Variants in SGCZ observed in about 807,000 individuals in gnomAD.
SGCZ encodes the protein zeta-sarcoglycan.
A neutral mutation model predicts 41.3 loss-of-function variants in SGCZ; 40 were observed. The ratio of observed to expected loss-of-function variants is 0.97; its 90% CI spans 0.75 to 1.26. The LOEUF (loss-of-function observed/expected upper bound fraction) is 1.26. Ranked by LOEUF, SGCZ falls within the 50% of genes most tolerant of loss-of-function variation. The probability of loss-of-function intolerance (pLI) is 0.00; values close to 1 mark genes in which losing one functional copy is unlikely to be tolerated. For missense variants in SGCZ, 552 were observed against 369.8 expected (o/e 1.49, Z -4.04); for synonymous variants, 206 against 137.5 (o/e 1.50, Z -3.49).
chr8:14,825,582 T>C (rs1403195615), intron 1 of SGCZ, among the ~76,000 whole-genome samples: 1 of 152,220 alleles, frequency 6.6e-6, no homozygotes. Flanking sequence ...ATGTATACAT[T>C]GTGTAATGAT....
chr8:14,419,794 A>G (rs1168104769), intron 2 of SGCZ, among the ~76,000 whole-genome samples: 1 of 151,980 alleles, frequency 6.6e-6, no homozygotes, highest in Non-Finnish European at 1.5e-5. Context: ...AATAATTAGT[A>G]TGTGTTGTAA....
intron 2 of SGCZ, among the ~76,000 whole-genome samples, chr8:14,552,603 T>G (rs1228177598): frequency 6.6e-6 from 1 of 152,158 alleles, no homozygotes; most frequent in African/African-American, 2.4e-5. Flanking sequence ...CATGTTGCAT[T>G]ATAATTTACA....
chr8:15,039,615 T>C (rs1314384787), intron 1 of SGCZ, among the ~76,000 whole-genome samples: 1 of 152,210 alleles, frequency 6.6e-6, no homozygotes, highest in Non-Finnish European at 1.5e-5. Context: ...TTGTTGAGAA[T>C]ATTTCCATAT....
chr8:14,434,641 T>C (rs936726823), intron 2 of SGCZ, among the ~76,000 whole-genome samples: 4 of 152,236 alleles, frequency 2.6e-5, no homozygotes, highest in African/African-American at 9.6e-5. Flanking sequence ...CTATGATGTC[T>C]TTCAGCAGTG....
intron 2 of SGCZ, among the ~76,000 whole-genome samples, chr8:14,383,952 C>A (rs913430533): frequency 6.6e-6 from 1 of 151,086 alleles, no homozygotes; most frequent in Non-Finnish European, 1.5e-5. Context: ...TTTGAATTTT[C>A]TTTTTTTTCT....
intron 1 of SGCZ, among the ~76,000 whole-genome samples, chr8:14,585,640 G>A (rs1805032820): frequency 6.6e-6 from 1 of 152,198 alleles, no homozygotes; most frequent in East Asian, 1.9e-4. Context: ...AAATATATCA[G>A]ACTCATTCTC....
chr8:14,382,793 T>A (rs1016334274), intron 2 of SGCZ, among the ~76,000 whole-genome samples: 1 of 152,180 alleles, frequency 6.6e-6, no homozygotes, highest in Admixed American at 6.5e-5. Flanking sequence ...CTCATTCCTT[T>A]GAAAAACACA....
chr8:15,225,185 G>A (rs1040906633), intron 1 of SGCZ, among the ~76,000 whole-genome samples: 1 of 151,952 alleles, frequency 6.6e-6, no homozygotes, highest in Non-Finnish European at 1.5e-5. Flanking sequence ...CTTTATACTG[G>A]CCCCTTAGCA....
chr8:14,880,802 G>C (rs1281964158), intron 1 of SGCZ, among the ~76,000 whole-genome samples: 1 of 152,132 alleles, frequency 6.6e-6, no homozygotes, highest in Non-Finnish European at 1.5e-5. Context: ...GGGACCTGTT[G>C]TGGGGTCAGG....
At chr8:14,099,141 C>G (rs143680968) in intron 7 of SGCZ, among the ~76,000 whole-genome samples, 1 of 152,238 alleles carries the variant, frequency 6.6e-6, no homozygotes, top group African/African-American at 2.4e-5. Flanking sequence ...TATATTGATT[C>G]TTTCCAACAT....
intron 1 of SGCZ, among the ~76,000 whole-genome samples, chr8:14,797,645 G>A (rs918343398): frequency 6.6e-6 from 1 of 152,228 alleles, no homozygotes; most frequent in Admixed American, 6.5e-5. Flanking sequence ...GGAGCTGAAT[G>A]TTATTCACCA....
chr8:14,449,576 T>C (rs747230594), intron 2 of SGCZ, among the ~76,000 whole-genome samples: 4 of 152,104 alleles, frequency 2.6e-5, no homozygotes, highest in East Asian at 1.9e-4. Flanking sequence ...GTTCATTGAG[T>C]CTGTGTCCCC....
intron 1 of SGCZ, among the ~76,000 whole-genome samples, chr8:15,112,536 G>A (rs1313838572): frequency 6.6e-6 from 1 of 152,170 alleles, no homozygotes; most frequent in African/African-American, 2.4e-5. Context: ...TGAACTCTAG[G>A]AATGCTTGAC....
Position 14,153,576 on chromosome 8 carries a change from C to A in SGCZ, c.547+11004G>T, listed in dbSNP as rs562123758. ...GGACCCAAACTTTAGGATTCTCTTT[C>A]ATTTAATACCACAAAAGGCCTGTGT... On this transcript the variant is annotated intron_variant, in intron 5 of 7. Coordinates refer to ENST00000382080, the MANE Select transcript of SGCZ (RefSeq NM_139167.4). 2.6e-5 allele frequency among the ~76,000 whole-genome samples: 4 copies of A among 152,230 alleles called. No homozygotes were observed. The South Asian group carries it at 8.3e-4, about 32-fold the overall frequency.
At chr8:14,283,631 C>A (rs1478909946) in intron 3 of SGCZ, among the ~76,000 whole-genome samples, 1 of 152,260 alleles carries the variant, frequency 6.6e-6, no homozygotes, top group South Asian at 2.1e-4. Context: ...CTTACATAAC[C>A]ATGTTATAAT....
intron 1 of SGCZ, among the ~76,000 whole-genome samples, chr8:14,793,580 C>A (rs947830119): frequency 6.6e-5 from 10 of 152,022 alleles, no homozygotes; most frequent in Admixed American, 5.9e-4. Context: ...GTAGGGAAAG[C>A]TGAGGAATAA....
chr8:14,129,494 C>T (rs1449362204), intron 5 of SGCZ, among the ~76,000 whole-genome samples: 3 of 147,082 alleles, frequency 2.0e-5, no homozygotes, highest in Non-Finnish European at 4.5e-5. Context: ...TGAAAGAAAC[C>T]ATAACACATT....
At chr8:14,244,453 T>C (rs1029869141) in intron 3 of SGCZ, among the ~76,000 whole-genome samples, 2 of 152,218 alleles carry the variant, frequency 1.3e-5, no homozygotes, top group Admixed American at 6.5e-5. Flanking sequence ...CTTTGTTCTT[T>C]GAAATAAAAA....
chr8:15,183,049 TG>T (rs1391718565), intron 1 of SGCZ, among the ~76,000 whole-genome samples: 6 of 152,210 alleles, frequency 3.9e-5, no homozygotes, highest in Admixed American at 1.3e-4. Context: ...CTTGTCCCAC[TG>T]GAAACCCTTC....
Sources: allele counts gnomAD v4.1 joint callset (sites outside exome capture counted in the v4.1 genomes callset), GRCh38; gene constraint gnomAD v4.1.1; transcripts MANE v1.5; gene names NCBI Gene and HGNC (gene_info 2026-07-23, HGNC 2026-07-21).